Variants in ANO2 observed in about 807,000 individuals in gnomAD.
The protein encoded by ANO2 is anoctamin-2.
ANO2 carries 101 observed loss-of-function variants against 124.2 expected under a neutral mutation model. The ratio of observed to expected loss-of-function variants is 0.81; its 90% CI spans 0.69 to 0.96. ANO2 has a LOEUF of 0.96. Ranked by LOEUF, ANO2 falls within the 40% of genes least tolerant of loss-of-function variation. ANO2 has a pLI of 0.00. For synonymous variants in ANO2, 486 were observed against 482.5 expected (o/e 1.01, Z -0.09); for missense variants, 1,293 against 1,274.5 (o/e 1.01, Z -0.22).
chr12:5,764,481 G>A (rs375723830), intron 10 of ANO2, among the ~76,000 whole-genome samples: 122 of 152,298 alleles, frequency 8.0e-4, no homozygotes, highest in Middle Eastern at 3.4e-3. Context: ...AGGTTGCACA[G>A]CTGGTAAGAT....
chr12:5,632,709 C>T (rs1945784817), intron 16 of ANO2, among the ~76,000 whole-genome samples: 1 of 152,152 alleles, frequency 6.6e-6, no homozygotes, highest in African/African-American at 2.4e-5. Context: ...GAAGTACTCA[C>T]TAAATACTTA....
At chr12:5,833,721 CAT>C in intron 4 of ANO2, among the ~76,000 whole-genome samples, 1 of 151,888 alleles carries the variant, frequency 6.6e-6, no homozygotes, top group Admixed American at 6.6e-5. Context: ...GTGAACTGCA[CAT>C]GTGAGGGATC....
chr12:5,944,721 C>A (rs186708253), intron 1 of ANO2, among the ~76,000 whole-genome samples: 1 of 152,174 alleles, frequency 6.6e-6, no homozygotes, highest in South Asian at 2.1e-4. Context: ...GAAAAAACTT[C>A]TGAAACTGAG....
intron 14 of ANO2, among the ~76,000 whole-genome samples, chr12:5,730,757 G>A (rs1206019749): frequency 6.6e-6 from 1 of 152,112 alleles, no homozygotes; most frequent in East Asian, 1.9e-4. Context: ...AGAAACTGAG[G>A]AAACACAAGA....
chr12:5,595,082 G>A (rs775915751), intron 20 of ANO2, among the ~76,000 whole-genome samples: 2 of 152,160 alleles, frequency 1.3e-5, no homozygotes, highest in Non-Finnish European at 2.9e-5. Context: ...TACTTGTCTT[G>A]TAAAGTTATT....
intron 14 of ANO2, among the ~76,000 whole-genome samples, chr12:5,701,348 A>G (rs976879086): frequency 6.6e-6 from 1 of 152,084 alleles, no homozygotes; most frequent in African/African-American, 2.4e-5. Flanking sequence ...GCTGATTCCT[A>G]ATCTGATGCC....
chr12:5,809,601 C>T (rs940555329), intron 7 of ANO2, among the ~76,000 whole-genome samples: 1 of 152,218 alleles, frequency 6.6e-6, no homozygotes, highest in African/African-American at 2.4e-5. Flanking sequence ...AGACCGACAA[C>T]CTGAACTCCT....
chr12:5,821,195 A>C (rs1343636741), intron 7 of ANO2, among the ~76,000 whole-genome samples: 1 of 152,192 alleles, frequency 6.6e-6, no homozygotes, highest in Non-Finnish European at 1.5e-5. Flanking sequence ...GATGGGAAAA[A>C]AATCTGACTA....
intron 3 of ANO2, among the ~76,000 whole-genome samples, chr12:5,898,622 A>C (rs144647011): frequency 6.6e-6 from 1 of 152,326 alleles, no homozygotes; most frequent in African/African-American, 2.4e-5. Flanking sequence ...GCAAAAACAA[A>C]AGCCAGACAC....
intron 13 of ANO2, among the ~76,000 whole-genome samples, chr12:5,738,153 C>G (rs1337726322): frequency 6.6e-6 from 1 of 152,242 alleles, no homozygotes; most frequent in Non-Finnish European, 1.5e-5. Context: ...CCCTGCGGGT[C>G]CTGCCATTCT....
Position 5,861,718 on chromosome 12 carries a change from G to A in ANO2, c.535-7577C>T, listed in dbSNP as rs73255198. Among the ~76,000 whole-genome samples the A allele has an allele frequency of 3.2e-3, 486 of 152,258 alleles. 4 individuals carry two copies. Among genetic ancestry groups the A allele is most frequent in the African/African-American group, 0.011 (443 of 41,542 alleles). ...GGAAGGGTGGGGGGATGAGCCTGTC[G>A]ATGATGGAGGAGCAGAGAGGAGACA... On this transcript the variant is annotated intron_variant, in intron 3 of 24. Coordinates refer to ENST00000682330, the MANE Select transcript of ANO2 (RefSeq NM_001364791.2).
intron 14 of ANO2, among the ~76,000 whole-genome samples, chr12:5,685,735 C>A (rs549810221): frequency 1.3e-5 from 2 of 152,212 alleles, no homozygotes; most frequent in Non-Finnish European, 2.9e-5. Context: ...TGTGATCATG[C>A]CACTGCACTC....
In ANO2 at chr12:5,807,330, C is replaced by G; in HGVS notation, c.931G>C (p.Ala311Pro). The G allele has an allele frequency of 6.4e-7, 1 of 1,555,138 alleles. No individual in the cohort carries two copies. Among genetic ancestry groups the G allele is most frequent in the African/African-American group, 1.4e-5 (1 of 73,506 alleles). Reference sequence around the variant, plus strand: ...GTACTTACGTCATGAAGAGGGTAGGCAGCCTCATAGATATTGTTTGCGATC... The same window carrying G: ...GTACTTACGTCATGAAGAGGGTAGGGAGCCTCATAGATATTGTTTGCGATC... Reference protein sequence around the residue: ...SLIANNIYEAAYPLHDGEYDS... With the variant: ...SLIANNIYEAPYPLHDGEYDS... The change falls in exon 8 of 25, where the codon GCC becomes CCC. Residue 311 changes from alanine to proline, a missense_variant. Coordinates refer to ENST00000682330, the MANE Select transcript of ANO2 (RefSeq NM_001364791.2).
rs988257988 is a variant in ANO2 at position 5,642,456 on chromosome 12, T to A, written c.1620+5271A>T. On this transcript the variant is annotated intron_variant, in intron 15 of 24. Coordinates refer to ENST00000682330, the MANE Select transcript of ANO2 (RefSeq NM_001364791.2). The stretch of plus-strand genomic sequence containing the variant: ...CATTCTTGATTTCTTTTCAGTTTTG[T>A]ACCACATGATCAAATTCTTTCAGTC... Among the ~76,000 whole-genome samples the A allele has an allele frequency of 3.3e-5, 5 of 152,336 alleles. No individual in the cohort carries two copies. In the East Asian group the frequency reaches 7.7e-4, roughly 23 times the overall value.
At chr12:5,791,284 T>G (rs532265843) in intron 10 of ANO2, among the ~76,000 whole-genome samples, 26 of 151,020 alleles carry the variant, frequency 1.7e-4, no homozygotes, top group Non-Finnish European at 3.0e-4. Flanking sequence ...TCTGACAACA[T>G]GGAAGGACTC....
In ANO2 at chr12:5,827,350, C is replaced by T. The variant is rs190502175; in HGVS notation, c.892+419G>A. Among the ~76,000 whole-genome samples, 182 of 151,350 alleles carry T rather than the reference C, an allele frequency of 1.2e-3. 2 individuals carry two copies. The highest frequency in any genetic ancestry group is 4.2e-3 in the African/African-American group (170 of 40,670). On this transcript the variant is annotated intron_variant, in intron 7 of 24. Coordinates refer to ENST00000682330, the MANE Select transcript of ANO2 (RefSeq NM_001364791.2). ...GTGTGGGCTTAGGACAGTCATGACCCCTCTCTGGAGGTTCGTCTCTTCTTA... is the reference window on the plus strand; with the variant it reads ...GTGTGGGCTTAGGACAGTCATGACCTCTCTCTGGAGGTTCGTCTCTTCTTA...
intron 7 of ANO2, among the ~76,000 whole-genome samples, chr12:5,814,797 A>G (rs1367084762): frequency 2.0e-5 from 3 of 152,246 alleles, no homozygotes; most frequent in Admixed American, 6.5e-5. Flanking sequence ...TTTTTCCAAT[A>G]ACTTTATCCA....
At position 5,643,522 on chromosome 12, in the gene ANO2, G is replaced by T. The variant is rs187597753; in HGVS notation, c.1620+4205C>A. On this transcript the variant is annotated intron_variant, in intron 15 of 24. Transcript: ENST00000682330. Reference sequence around the variant, plus strand: ...GGCTTCCATAGACGTTCTTGTACACGTATTTTGCTGCTCATGTACACAAGT... The same window carrying T: ...GGCTTCCATAGACGTTCTTGTACACTTATTTTGCTGCTCATGTACACAAGT... Among the ~76,000 whole-genome samples, 15 of 152,178 alleles carry T rather than the reference G, an allele frequency of 9.9e-5. 1 individual carries two copies. Among genetic ancestry groups the T allele is most frequent in the Non-Finnish European group, 1.6e-4 (11 of 68,012 alleles).
intron 20 of ANO2, among the ~76,000 whole-genome samples, chr12:5,580,710 G>A (rs1459564991): frequency 6.6e-6 from 1 of 152,184 alleles, no homozygotes; most frequent in African/African-American, 2.4e-5. Context: ...GAAGTTTCAG[G>A]AAAGGGAACA....
Sources: allele counts gnomAD v4.1 joint callset (sites outside exome capture counted in the v4.1 genomes callset), GRCh38; gene constraint gnomAD v4.1.1; transcripts MANE v1.5; gene names NCBI Gene and HGNC (gene_info 2026-07-23, HGNC 2026-07-21).